LRP1B: variants seen among roughly 807,000 people sequenced by gnomAD.
LRP1B encodes LDL receptor related protein 1B, also known as low-density lipoprotein receptor-related protein 1B.
Under a neutral mutation model 556.6 loss-of-function variants are expected in LRP1B, and 217 were observed. That is an observed-to-expected ratio of 0.39 (90% confidence interval 0.35 to 0.44). The LOEUF (loss-of-function observed/expected upper bound fraction) is 0.44. LRP1B is among the 20% of genes least tolerant of loss of function. LRP1B has a pLI of 1.00. For missense variants in LRP1B, 5,053 were observed against 5,620.8 expected, an observed-to-expected ratio of 0.90 and a Z score of 3.23; for synonymous variants, 2,047 against 1,865.8, an observed-to-expected ratio of 1.10 and a Z score of -2.50.
intron 41 of LRP1B, among the ~76,000 whole-genome samples, chr2:140,615,738 C>A (rs1231748938): frequency 1.6e-5 from 2 of 122,196 alleles, no homozygotes; most frequent in East Asian, 5.0e-4. Context: ...GAACAAATGC[C>A]CTCAGATAAA....
At chr2:140,872,923 G>C (rs1327116881) in intron 25 of LRP1B, among the ~76,000 whole-genome samples, 5 of 151,934 alleles carry the variant, frequency 3.3e-5, no homozygotes, top group Admixed American at 2.0e-4. Context: ...ATGTATTTAT[G>C]TGCATGTACA....
intron 1 of LRP1B, among the ~76,000 whole-genome samples, chr2:142,104,184 T>C (rs1055100894): frequency 4.6e-5 from 7 of 152,184 alleles, no homozygotes; most frequent in African/African-American, 1.7e-4. Context: ...AAATGAGAAG[T>C]TCAAGTGCTA....
At chr2:141,264,426 C>T (rs999911590) in intron 3 of LRP1B, among the ~76,000 whole-genome samples, 11 of 151,998 alleles carry the variant, frequency 7.2e-5, no homozygotes, top group African/African-American at 2.7e-4. Context: ...GAAAATATTC[C>T]ATGGACTGAG....
At chr2:140,950,879 G>C (rs1695695029) in intron 19 of LRP1B, among the ~76,000 whole-genome samples, 1 of 150,052 alleles carries the variant, frequency 6.7e-6, no homozygotes, top group Non-Finnish European at 1.5e-5. Flanking sequence ...CAACATTGCT[G>C]ATAAACAGTG....
rs1236872892 is a variant in LRP1B at position 140,902,911 on chromosome 2, GTTAC to G, written c.3766+5_3766+8del. 3 of 1,611,176 alleles carry G rather than the reference GTTAC, an allele frequency of 1.9e-6. No individual in the cohort carries two copies. Among genetic ancestry groups the G allele is most frequent in the Non-Finnish European group, 2.5e-6 (3 of 1,177,910 alleles). ...TAAATATAGCAACACACACAAAATA[GTTAC>G]TTACCAACACTTGTACAACTTTCAC... On this transcript the variant is annotated splice_donor_5th_base_variant and intron_variant, in intron 23 of 90. Transcript: ENST00000389484.
intron 86 of LRP1B, among the ~76,000 whole-genome samples, chr2:140,254,153 C>A (rs183228856): frequency 6.6e-6 from 1 of 152,086 alleles, no homozygotes; most frequent in South Asian, 2.1e-4. Context: ...ATTATAAAGG[C>A]GATGTCTGGC....
At chr2:141,433,359 T>A (rs1453458047) in intron 3 of LRP1B, among the ~76,000 whole-genome samples, 1 of 152,074 alleles carries the variant, frequency 6.6e-6, no homozygotes. Flanking sequence ...AAGAAGAGCG[T>A]GTATTCTGCT....
chr2:141,920,797 C>A (rs921894616), intron 1 of LRP1B, among the ~76,000 whole-genome samples: 1 of 151,954 alleles, frequency 6.6e-6, no homozygotes, highest in Non-Finnish European at 1.5e-5. Flanking sequence ...GTTAATCCTG[C>A]AACTGGAATA....
intron 7 of LRP1B, among the ~76,000 whole-genome samples, chr2:141,111,486 G>C (rs1401464434): frequency 6.6e-6 from 1 of 152,158 alleles, no homozygotes; most frequent in Admixed American, 6.5e-5. Flanking sequence ...AGTAAGGAAA[G>C]AGTCCCCAGA....
At chr2:140,876,714 T>C (rs1693317041) in intron 25 of LRP1B, among the ~76,000 whole-genome samples, 1 of 152,194 alleles carries the variant, frequency 6.6e-6, no homozygotes, top group African/African-American at 2.4e-5. Context: ...TACAAATCCA[T>C]GGCTGGGCTC....
chr2:141,597,063 C>T (rs1216476701), intron 2 of LRP1B, among the ~76,000 whole-genome samples: 1 of 150,604 alleles, frequency 6.6e-6, no homozygotes, highest in Non-Finnish European at 1.5e-5. Flanking sequence ...TTTACACACA[C>T]ACACACACAC....
At chr2:141,874,157 G>C (rs566488131) in intron 1 of LRP1B, among the ~76,000 whole-genome samples, 1 of 101,244 alleles carries the variant, frequency 9.9e-6, no homozygotes, top group African/African-American at 4.3e-5. Flanking sequence ...ATGTTTATCT[G>C]ATTTCTGAAT....
intron 2 of LRP1B, among the ~76,000 whole-genome samples, chr2:141,732,438 C>T (rs572061301): frequency 3.9e-5 from 6 of 152,096 alleles, no homozygotes; most frequent in African/African-American, 9.6e-5. Flanking sequence ...GCTAAAATTA[C>T]GGTGGACAAA....
At chr2:141,696,540 G>T (rs1026042716) in intron 2 of LRP1B, among the ~76,000 whole-genome samples, 2 of 151,796 alleles carry the variant, frequency 1.3e-5, no homozygotes, top group African/African-American at 4.8e-5. Flanking sequence ...ATTAACAGGG[G>T]TGCAACTGAA....
At chr2:140,360,776 T>C (rs1019121626) in intron 72 of LRP1B, among the ~76,000 whole-genome samples, 1 of 151,512 alleles carries the variant, frequency 6.6e-6, no homozygotes, top group Non-Finnish European at 1.5e-5. Context: ...TAGGACGTTG[T>C]TTACATTGGT....
Position 141,083,138 on chromosome 2 carries a change from A to G in LRP1B, c.1014-20865T>C, listed in dbSNP as rs542282762. Among the ~76,000 whole-genome samples the G allele has an allele frequency of 6.2e-4, 94 of 152,296 alleles. No individual in the cohort carries two copies. The South Asian group carries it at 6.6e-3, about 11-fold the overall frequency. ...TTATAAAAATATTTGAATAGCAAAA[A>G]CCATTTCTATTAATAGCTTTAGTCT... On this transcript the variant is annotated intron_variant, in intron 7 of 90. Transcript: ENST00000389484.
intron 8 of LRP1B, among the ~76,000 whole-genome samples, 165 bp from the exon 9 acceptor site, chr2:141,059,219 T>C (rs541548197): frequency 1.3e-5 from 2 of 151,870 alleles, no homozygotes; most frequent in South Asian, 2.1e-4. Flanking sequence ...GATTAAAACT[T>C]TTTTTTCTGG....
At chr2:141,942,304 G>A (rs1426897437) in intron 1 of LRP1B, among the ~76,000 whole-genome samples, 1 of 152,078 alleles carries the variant, frequency 6.6e-6, no homozygotes, top group Non-Finnish European at 1.5e-5. Flanking sequence ...AGTTATATGG[G>A]TAATTCTTTG....
intron 41 of LRP1B, chr2:140,683,649 C>A: frequency 1.4e-6 from 1 of 695,106 alleles, no homozygotes; most frequent in South Asian, 1.4e-5. Context: ...CCATCCGAGT[C>A]CTCCGCATTT....
Sources: gnomAD v4.1 joint callset for allele counts (sites outside exome capture counted in the v4.1 genomes callset) on GRCh38, gnomAD v4.1.1 for gene constraint, MANE v1.5 for transcripts, NCBI Gene and HGNC (gene_info 2026-07-23, HGNC 2026-07-21) for gene names.